Variants in TM4SF4 observed in about 807,000 individuals in gnomAD.
TM4SF4 encodes transmembrane 4 L6 family member 4.
A neutral mutation model predicts 24.1 loss-of-function variants in TM4SF4; 24 were observed. The observed-to-expected ratio is 1.00, with a 90% CI of 0.72 to 1.40. The LOEUF (loss-of-function observed/expected upper bound fraction) is 1.40. Ranked by LOEUF, TM4SF4 falls within the 40% of genes most tolerant of loss-of-function variation. The pLI is 0.00. For synonymous variants in TM4SF4, 113 were observed against 97.0 expected, an observed-to-expected ratio of 1.17 and a Z score of -0.97; for missense variants, 254 against 254.2, an observed-to-expected ratio of 1.00 and a Z score of 0.01.
chr3:149,498,999 C>A, intron 4 of TM4SF4, 88 bp downstream of exon 4: 1 of 1,401,310 alleles, frequency 7.1e-7, no homozygotes, highest in South Asian at 1.3e-5. Context: ...AGGCCACCAG[C>A]ACTGAAGGAA....
At chr3:149,478,396 C>T (rs1379036560) in intron 2 of TM4SF4, among the ~76,000 whole-genome samples, 5 of 152,128 alleles carry the variant, frequency 3.3e-5, no homozygotes, top group Non-Finnish European at 5.9e-5. Flanking sequence ...CCACCCACCT[C>T]GTCATCCCAA....
chr3:149,476,460 T>C (rs1380392936), intron 2 of TM4SF4, among the ~76,000 whole-genome samples: 1 of 142,326 alleles, frequency 7.0e-6, no homozygotes, highest in Non-Finnish European at 1.6e-5. Flanking sequence ...TCTTGTTTCA[T>C]GCGGCCATCG....
At chr3:149,476,582 C>T (rs1254692975) in intron 2 of TM4SF4, among the ~76,000 whole-genome samples, 2 of 152,178 alleles carry the variant, frequency 1.3e-5, no homozygotes, top group Non-Finnish European at 2.9e-5. Flanking sequence ...ACTGCTCTGC[C>T]TCCCTTTGCT....
At chr3:149,482,922 A>G (rs1734060540) in intron 2 of TM4SF4, among the ~76,000 whole-genome samples, 1 of 152,208 alleles carries the variant, frequency 6.6e-6, no homozygotes, top group African/African-American at 2.4e-5. Flanking sequence ...GACTGATCAT[A>G]TCTCTAAGAA....
rs989874537 is a variant in TM4SF4 at position 149,498,804 on chromosome 3, A to G, written c.484A>G (p.Ile162Val). The change falls in exon 4 of 5, where the codon ATC (isoleucine) becomes GTC (valine). Residue 162 changes from isoleucine (I) to valine (V), a missense_variant. By Grantham distance (29) the Ile-to-Val change is conservative. Transcript: ENST00000305354. ...TCCCTGGAATCTGACCCTCTTCTCC[A>G]TCCTGCTGGTCGTAGGAGGAATCCA... ...VVPWNLTLFS[I>V]LLVVGGIQMV... 1 of 1,613,968 alleles carries G rather than the reference A, an allele frequency of 6.2e-7. No homozygotes were observed. Among genetic ancestry groups the G allele is most frequent in the Non-Finnish European group, 8.5e-7 (1 of 1,179,874 alleles).
chr3:149,496,939 C>T (rs1054998992), intron 3 of TM4SF4, among the ~76,000 whole-genome samples: 6 of 151,052 alleles, frequency 4.0e-5, no homozygotes, highest in African/African-American at 1.5e-4. Flanking sequence ...TTTGGGAAGC[C>T]AAGGTGGGAG....
chr3:149,499,811 G>A (rs574080751), intron 4 of TM4SF4, among the ~76,000 whole-genome samples: 1 of 151,658 alleles, frequency 6.6e-6, no homozygotes, highest in African/African-American at 2.4e-5. Context: ...GGAGGCAGAG[G>A]TTGCAGTGAG....
chr3:149,494,275 T>C (rs1195986613), intron 3 of TM4SF4, among the ~76,000 whole-genome samples: 2 of 152,160 alleles, frequency 1.3e-5, no homozygotes, highest in African/African-American at 4.8e-5. Context: ...GGGGTGAGGC[T>C]GCAGCAGGAG....
intron 2 of TM4SF4, among the ~76,000 whole-genome samples, chr3:149,477,333 C>T (rs2107865776): frequency 6.6e-6 from 1 of 152,254 alleles, no homozygotes; most frequent in Admixed American, 6.5e-5. Flanking sequence ...CATAGTAGAA[C>T]TGGAATTACT....
chr3:149,494,692 C>A (rs56303133), intron 3 of TM4SF4: 45,978 of 152,298 alleles, frequency 0.3, 8,547 homozygotes, highest in Non-Finnish European at 0.42. Context: ...TCAATATCGT[C>A]GTTATTGGAC....
At chr3:149,483,850 G>A (rs114562868) in intron 2 of TM4SF4, among the ~76,000 whole-genome samples, 4,828 of 151,582 alleles carry the variant, frequency 0.032, 88 homozygotes, top group Middle Eastern at 0.065. Flanking sequence ...GTGTGATCTC[G>A]GCTCGCTGCA....
rs779680947 is a variant in TM4SF4, at chr3:149,474,865, G to A, written c.-13G>A. The A allele has an allele frequency of 2.2e-5, 36 of 1,607,506 alleles. 1 individual carries two copies. Among genetic ancestry groups the A allele is most frequent in the South Asian group, 1.0e-4 (9 of 90,440 alleles). ...GAGCTTTTGATTGCTGACCTGTGTC[G>A]TACCACCCCAGAATGTGCACTGGGG... is the stretch of plus-strand genomic sequence containing the variant. On this transcript the variant is annotated 5_prime_UTR_variant, in exon 1 of 5. Coordinates refer to ENST00000305354, the MANE Select transcript of TM4SF4 (RefSeq NM_004617.4).
chr3:149,480,610 T>C (rs1037835313), intron 2 of TM4SF4, among the ~76,000 whole-genome samples: 18 of 152,170 alleles, frequency 1.2e-4, no homozygotes, highest in African/African-American at 3.9e-4. Flanking sequence ...AGACACCTCC[T>C]GAGTGAGCGT....
At chr3:149,479,273 C>T (rs1354807083) in intron 2 of TM4SF4, among the ~76,000 whole-genome samples, 3 of 152,128 alleles carry the variant, frequency 2.0e-5, no homozygotes, top group Non-Finnish European at 4.4e-5. Flanking sequence ...GACCATTGAG[C>T]TCATGCCCCC....
At position 149,493,967 on chromosome 3, in the gene TM4SF4, G is replaced by A. The variant is rs568547601; in HGVS notation, c.402-4755G>A. Among the ~76,000 whole-genome samples the A allele has an allele frequency of 7.0e-4, 106 of 152,194 alleles. 1 individual carries two copies. Among genetic ancestry groups the A allele is most frequent in the Non-Finnish European group, 8.8e-4 (60 of 68,028 alleles). On this transcript the variant is annotated intron_variant, in intron 3 of 4. Coordinates refer to ENST00000305354, the MANE Select transcript of TM4SF4 (RefSeq NM_004617.4). ...CTGAGAAGAGAGTTCTGTGAAATTC[G>A]TGCCTTTCTGCTCCCACTTTGATGG...
chr3:149,481,225 T>A (rs1344985285), intron 2 of TM4SF4, among the ~76,000 whole-genome samples: 1 of 152,120 alleles, frequency 6.6e-6, no homozygotes, highest in Non-Finnish European at 1.5e-5. Flanking sequence ...AGTTACTGTC[T>A]CTCATAAGGA....
rs1305708092 is a variant in TM4SF4 at position 149,502,926 on chromosome 3, G to A, written c.*233G>A. 5 of 458,912 alleles carry A rather than the reference G, an allele frequency of 1.1e-5. No individual in the cohort carries two copies. The highest frequency in any genetic ancestry group is 1.9e-5 in the Non-Finnish European group (5 of 259,720). The allele number at this position is 458,912 out of a possible 1,614,324, so 28.4% of individuals were successfully genotyped here. On this transcript the variant is annotated 3_prime_UTR_variant, in exon 5 of 5. Coordinates refer to ENST00000305354, the MANE Select transcript of TM4SF4 (RefSeq NM_004617.4). ...TTTGATTTATAAATCTTTCAAATTA[G>A]TTCCTTTTTAGAATTTACCAACAGG...
chr3:149,478,249 G>A (rs552719033), intron 2 of TM4SF4, among the ~76,000 whole-genome samples: 4 of 152,188 alleles, frequency 2.6e-5, no homozygotes, highest in South Asian at 2.1e-4. Flanking sequence ...GGGTTCAAGC[G>A]ATTCTCCTGC....
rs116103123 is a variant in TM4SF4 at position 149,499,155 on chromosome 3, T to A, written c.591+244T>A. Among the ~76,000 whole-genome samples the A allele has an allele frequency of 7.9e-3, 1,196 of 152,254 alleles. 20 individuals carry two copies. Among genetic ancestry groups the A allele is most frequent in the African/African-American group, 0.027 (1,136 of 41,554 alleles). On this transcript the variant is annotated intron_variant, in intron 4 of 4. Coordinates refer to ENST00000305354, the MANE Select transcript of TM4SF4 (RefSeq NM_004617.4). ...CACCCAGGCTGAAGTTGGCCATAAT[T>A]TTCAGCCTCACATCCAGTTGACCGT...
Sources: gnomAD v4.1 joint callset for allele counts (sites outside exome capture counted in the v4.1 genomes callset) on GRCh38, gnomAD v4.1.1 for gene constraint, MANE v1.5 for transcripts, NCBI Gene and HGNC (gene_info 2026-07-23, HGNC 2026-07-21) for gene names.